The following PHACTR3 variants were observed in gnomAD, a reference collection of about 807,000 sequenced individuals.
PHACTR3 encodes protein phosphatase 1, regulatory subunit 123.
In PHACTR3, 16 loss-of-function variants were observed where a neutral mutation model predicts 66.8. The ratio of observed to expected loss-of-function variants is 0.24; its 90% CI spans 0.16 to 0.36. The LOEUF (loss-of-function observed/expected upper bound fraction) is 0.36. Among genes scored for constraint, PHACTR3 ranks in the 10% least tolerant of loss-of-function variants. PHACTR3 has a pLI of 1.00. For missense variants in PHACTR3, 647 were observed against 719.9 expected (o/e 0.90, Z 1.16); for synonymous variants, 323 against 292.1 (o/e 1.11, Z -1.08).
chr20:59,802,053 C>T (rs2041428893), intron 7 of PHACTR3, among the ~76,000 whole-genome samples: 1 of 152,188 alleles, frequency 6.6e-6, no homozygotes, highest in Non-Finnish European at 1.5e-5. Flanking sequence ...GGTTTACATC[C>T]TGGTTCTGCT....
At chr20:59,657,444 T>C (rs953917477) in intron 1 of PHACTR3, among the ~76,000 whole-genome samples, 2 of 152,248 alleles carry the variant, frequency 1.3e-5, no homozygotes, top group Non-Finnish European at 1.5e-5. Flanking sequence ...GTCACTTGAT[T>C]TCAGCCTCAA....
chr20:59,584,181 A>AGT (rs2032947707), intron 1 of PHACTR3, among the ~76,000 whole-genome samples: 1 of 152,114 alleles, frequency 6.6e-6, no homozygotes, highest in African/African-American at 2.4e-5. Context: ...CTTAAGGACA[A>AGT]GTGTGTGTGA....
At chr20:59,602,454 A>AAAAG (rs2033507219), upstream of PHACTR3, among the ~76,000 whole-genome samples, 1 of 151,434 alleles carries the variant, frequency 6.6e-6, no homozygotes, top group African/African-American at 2.4e-5. Context: ...AAAAAAAAAA[A>AAAAG]AGAGAGAGAG....
intron 7 of PHACTR3, among the ~76,000 whole-genome samples, chr20:59,801,594 G>A (rs534954064): frequency 1.3e-4 from 20 of 152,302 alleles, no homozygotes; most frequent in African/African-American, 4.8e-4. Context: ...TCCTTCAGAA[G>A]TCCCTTTCTG....
intron 8 of PHACTR3, among the ~76,000 whole-genome samples, chr20:59,810,964 G>A (rs1021260411): frequency 2.6e-5 from 4 of 152,250 alleles, no homozygotes. Context: ...GGAGAGCAGT[G>A]GGAAGCACCT....
chr20:59,592,028 G>A (rs1371824924), intron 1 of PHACTR3, among the ~76,000 whole-genome samples: 2 of 151,992 alleles, frequency 1.3e-5, no homozygotes, highest in Non-Finnish European at 2.9e-5. Flanking sequence ...TTTGTGCACG[G>A]CTTTTGAAAT....
intron 9 of PHACTR3, 107 bp from the exon 10 acceptor site, chr20:59,840,262 A>G: frequency 6.8e-7 from 1 of 1,473,140 alleles, no homozygotes; most frequent in Non-Finnish European, 9.0e-7. Flanking sequence ...AATTAACTTC[A>G]GCTCCCAGAA....
At chr20:59,782,603 C>G (rs2040761127) in intron 7 of PHACTR3, among the ~76,000 whole-genome samples, 1 of 152,164 alleles carries the variant, frequency 6.6e-6, no homozygotes, top group Non-Finnish European at 1.5e-5. Flanking sequence ...GGAGGCCTCA[C>G]AATCATGGTG....
At chr20:59,748,967 C>T (rs1423719282) in intron 3 of PHACTR3, among the ~76,000 whole-genome samples, 2 of 152,148 alleles carry the variant, frequency 1.3e-5, no homozygotes, top group Non-Finnish European at 2.9e-5. Context: ...TCATTGTTTC[C>T]TCTCTTTAGA....
intron 11 of PHACTR3, chr20:59,844,603 G>A (rs754480224): frequency 2.0e-5 from 3 of 152,176 alleles, no homozygotes; most frequent in Non-Finnish European, 4.4e-5. Flanking sequence ...AATATCGCAT[G>A]TTCTCACTCA....
chr20:59,780,712 G>A (rs868328949), intron 7 of PHACTR3, among the ~76,000 whole-genome samples: 3 of 152,144 alleles, frequency 2.0e-5, no homozygotes, highest in Non-Finnish European at 2.9e-5. Flanking sequence ...TCCGTCTCTG[G>A]GGCTTACTCT....
intron 12 of PHACTR3, among the ~76,000 whole-genome samples, chr20:59,846,676 A>G (rs1456216869): frequency 2.0e-5 from 3 of 152,046 alleles, no homozygotes; most frequent in Non-Finnish European, 2.9e-5. Context: ...AAAGACCCTA[A>G]AATTATTTCA....
intron 8 of PHACTR3, among the ~76,000 whole-genome samples, chr20:59,819,536 TA>T (rs1341673476): frequency 0.036 from 4,772 of 131,400 alleles, 127 homozygotes; most frequent in African/African-American, 0.085. Context: ...ACCCTGTCGT[TA>T]AAAAAAAAAA....
chr20:59,742,775 G>A (rs1311096981), intron 1 of PHACTR3, among the ~76,000 whole-genome samples: 1 of 152,198 alleles, frequency 6.6e-6, no homozygotes, highest in Non-Finnish European at 1.5e-5. Flanking sequence ...CAGCGTGGGT[G>A]GAGGGCAGAG....
chr20:59,813,409 G>T (rs2041795158), intron 8 of PHACTR3, among the ~76,000 whole-genome samples: 2 of 152,212 alleles, frequency 1.3e-5, no homozygotes, highest in Non-Finnish European at 2.9e-5. Flanking sequence ...CCTACAGGGG[G>T]AGGCTGCACC....
intron 1 of PHACTR3, among the ~76,000 whole-genome samples, chr20:59,668,403 C>A (rs1330244830): frequency 6.6e-6 from 1 of 152,146 alleles, no homozygotes; most frequent in African/African-American, 2.4e-5. Context: ...GACATGTACA[C>A]CTGTACATAG....
At chr20:59,715,620 G>T (rs1296604057) in intron 1 of PHACTR3, among the ~76,000 whole-genome samples, 1 of 152,118 alleles carries the variant, frequency 6.6e-6, no homozygotes, top group Non-Finnish European at 1.5e-5. Context: ...TGGTATGAAG[G>T]TTATGCTGGC....
chr20:59,686,353 GAAT>G (rs934950759), intron 1 of PHACTR3, among the ~76,000 whole-genome samples: 70 of 152,300 alleles, frequency 4.6e-4, no homozygotes, highest in Middle Eastern at 3.4e-3. Context: ...TATACAATGG[GAAT>G]AATAATAATA....
chr20:59,579,976 C>T (rs887831600), intron 1 of PHACTR3, among the ~76,000 whole-genome samples: 5 of 152,178 alleles, frequency 3.3e-5, no homozygotes, highest in African/African-American at 1.2e-4. Context: ...GGAGAGGAAG[C>T]GCGCATTCCG....
Sources: allele counts gnomAD v4.1 joint callset (sites outside exome capture counted in the v4.1 genomes callset), GRCh38; gene constraint gnomAD v4.1.1; transcripts MANE v1.5; gene names NCBI Gene and HGNC (gene_info 2026-07-23, HGNC 2026-07-21).